PPP3CA: variants seen among roughly 807,000 people sequenced by gnomAD.
PPP3CA encodes protein phosphatase 3 catalytic subunit alpha.
A neutral mutation model predicts 66.5 loss-of-function variants in PPP3CA; 14 were observed. That is an observed-to-expected ratio of 0.21 (90% CI 0.14 to 0.33). The LOEUF is 0.33. Among genes scored for constraint, PPP3CA ranks in the 10% least tolerant of loss-of-function variants. The pLI is 1.00. For synonymous variants in PPP3CA, 232 were observed against 226.2 expected (o/e 1.03, Z -0.23); for missense variants, 317 against 639.5 (o/e 0.50, Z 5.44).
intron 8 of PPP3CA, among the ~76,000 whole-genome samples, chr4:101,070,185 A>AAAT (rs1728856577): frequency 6.6e-6 from 1 of 152,028 alleles, no homozygotes; most frequent in East Asian, 1.9e-4. Context: ...CCTTTTTTTT[A>AAAT]TAGTGTTATG....
intron 1 of PPP3CA, among the ~76,000 whole-genome samples, chr4:101,230,500 CAGAG>C (rs962260980): frequency 1.3e-5 from 2 of 151,460 alleles, no homozygotes; most frequent in African/African-American, 4.8e-5. Context: ...GCCTGGGTGA[CAGAG>C]AGAGAGACCC....
chr4:101,085,966 A>G (rs1729655432), intron 6 of PPP3CA, among the ~76,000 whole-genome samples: 1 of 152,176 alleles, frequency 6.6e-6, no homozygotes, highest in Non-Finnish European at 1.5e-5. Context: ...CCAGTAATTT[A>G]GCAGAGGCCC....
At chr4:101,298,485 T>C (rs1031948203) in intron 1 of PPP3CA, among the ~76,000 whole-genome samples, 1 of 152,016 alleles carries the variant, frequency 6.6e-6, no homozygotes, top group Non-Finnish European at 1.5e-5. Flanking sequence ...ACTCCTTCTC[T>C]GCCACCCTTG....
intron 1 of PPP3CA, among the ~76,000 whole-genome samples, chr4:101,210,453 C>G (rs188454119): frequency 1.3e-5 from 2 of 152,152 alleles, no homozygotes; most frequent in South Asian, 2.1e-4. Context: ...ATTAAACAAA[C>G]TAATATTTGT....
intron 11 of PPP3CA, among the ~76,000 whole-genome samples, chr4:101,035,069 C>T (rs925612937): frequency 1.3e-5 from 2 of 152,064 alleles, no homozygotes; most frequent in Non-Finnish European, 1.5e-5. Context: ...AGTTTGAGAC[C>T]AGCCTGGCCA....
At chr4:101,344,388 T>C (rs1317902030) in intron 1 of PPP3CA, among the ~76,000 whole-genome samples, 1 of 152,198 alleles carries the variant, frequency 6.6e-6, no homozygotes, top group Non-Finnish European at 1.5e-5. Context: ...ATGCCTTTCA[T>C]GCCAATAATA....
intron 2 of PPP3CA, among the ~76,000 whole-genome samples, chr4:101,132,876 C>T (rs1400207572): frequency 6.6e-6 from 1 of 152,174 alleles, no homozygotes; most frequent in African/African-American, 2.4e-5. Flanking sequence ...CTGAATACAG[C>T]AGCACATCAA....
intron 2 of PPP3CA, among the ~76,000 whole-genome samples, chr4:101,151,375 G>T: frequency 6.6e-6 from 1 of 151,822 alleles, no homozygotes; most frequent in East Asian, 2.0e-4. Flanking sequence ...GCCTGGCCAA[G>T]ATGGTGAAAC....
At chr4:101,267,905 CT>C (rs34321176) in intron 1 of PPP3CA, among the ~76,000 whole-genome samples, 9,362 of 151,992 alleles carry the variant, frequency 0.062, 915 homozygotes, top group African/African-American at 0.21. Context: ...CTTTTAAAAC[CT>C]TTTTAGTTGA....
At chr4:101,163,523 G>A (rs1723588144) in intron 2 of PPP3CA, among the ~76,000 whole-genome samples, 1 of 152,150 alleles carries the variant, frequency 6.6e-6, no homozygotes, top group South Asian at 2.1e-4. Context: ...GAGGACAAGA[G>A]AATATTCTCT....
chr4:101,091,966 T>A (rs1729972622), intron 6 of PPP3CA, among the ~76,000 whole-genome samples: 1 of 151,826 alleles, frequency 6.6e-6, no homozygotes, highest in African/African-American at 2.4e-5. Context: ...TCTCTTTCAC[T>A]CTCGCAATTT....
At chr4:101,287,538 T>C (rs1727883252) in intron 1 of PPP3CA, among the ~76,000 whole-genome samples, 1 of 152,160 alleles carries the variant, frequency 6.6e-6, no homozygotes, top group Admixed American at 6.6e-5. Context: ...AGCCCAACTC[T>C]AGGCATGTGA....
intron 2 of PPP3CA, among the ~76,000 whole-genome samples, chr4:101,148,541 T>G (rs1723038750): frequency 6.6e-6 from 1 of 152,178 alleles, no homozygotes; most frequent in African/African-American, 2.4e-5. Flanking sequence ...GATATTAATC[T>G]CTTGATATAC....
At chr4:101,171,043 T>C (rs1723861342) in intron 2 of PPP3CA, 1 of 343,686 alleles carries the variant, frequency 2.9e-6, no homozygotes, top group African/African-American at 2.1e-5. Flanking sequence ...TTTACTGTTT[T>C]ACTTACTATC....
At chr4:101,281,846 CA>C (rs1261510297) in intron 1 of PPP3CA, among the ~76,000 whole-genome samples, 1 of 152,120 alleles carries the variant, frequency 6.6e-6, no homozygotes, top group Admixed American at 6.5e-5. Flanking sequence ...CTACATATAA[CA>C]AAGACAGACT....
chr4:101,029,311 T>C (rs922176635), intron 12 of PPP3CA, 116 bp from the exon 13 acceptor site: 1 of 575,156 alleles, frequency 1.7e-6, no homozygotes, highest in South Asian at 2.4e-5. Flanking sequence ...TTCCTGTAAG[T>C]GCTAGATTCT....
intron 1 of PPP3CA, among the ~76,000 whole-genome samples, chr4:101,201,459 A>G (rs1490278251): frequency 2.0e-5 from 3 of 152,248 alleles, no homozygotes; most frequent in Non-Finnish European, 2.9e-5. Flanking sequence ...ACCTAATCCC[A>G]GGTTACACAA....
intron 1 of PPP3CA, among the ~76,000 whole-genome samples, chr4:101,334,761 G>A (rs1178986607): frequency 6.6e-6 from 1 of 152,098 alleles, no homozygotes; most frequent in Non-Finnish European, 1.5e-5. Context: ...TCAATTTACA[G>A]ACTGGCTAGC....
chr4:101,061,103 T>C lies in PPP3CA; in HGVS notation c.1140A>G (p.Glu380=), dbSNP rs1312457621. 2 of 1,611,776 alleles carry C rather than the reference T, an allele frequency of 1.2e-6. No homozygotes were observed. Among genetic ancestry groups the C allele is most frequent in the Non-Finnish European group, 1.7e-6 (2 of 1,178,390 alleles). ...GCCTCTTACCATCAAATCCATCTTC[T>C]TCTGACCCTAGTTCATCATCTGAGC... ...NICSDDELGS[E]EDGFDGATAA... Residue 380 remains glutamate (E), a synonymous_variant, in exon 10 of 14, where the codon GAA becomes GAG. Coordinates refer to ENST00000394854, the MANE Select transcript of PPP3CA (RefSeq NM_000944.5).
Sources: gnomAD v4.1 joint callset for allele counts (sites outside exome capture counted in the v4.1 genomes callset) on GRCh38, gnomAD v4.1.1 for gene constraint, MANE v1.5 for transcripts, NCBI Gene and HGNC (gene_info 2026-07-23, HGNC 2026-07-21) for gene names.